PTPRE: variants seen among roughly 807,000 people sequenced by gnomAD.
PTPRE encodes protein tyrosine phosphatase receptor type E, also known as receptor-type tyrosine-protein phosphatase epsilon.
A neutral mutation model predicts 102.0 loss-of-function variants in PTPRE; 51 were observed. The observed-to-expected ratio is 0.50, with a 90% CI of 0.40 to 0.63. PTPRE has a LOEUF of 0.63. Among genes scored for constraint, PTPRE ranks in the 30% least tolerant of loss-of-function variants. The pLI is 0.00. For missense variants in PTPRE, 752 were observed against 915.1 expected (o/e 0.82, Z 2.30); for synonymous variants, 345 against 348.2 (o/e 0.99, Z 0.10).
At chr10:128,061,861 A>G in intron 9 of PTPRE, 146 bp downstream of exon 9, 1 of 1,035,162 alleles carries the variant, frequency 9.7e-7, no homozygotes, top group South Asian at 1.9e-5. Flanking sequence ...ATCCATTCAC[A>G]CAACGGATAT....
At chr10:127,939,767 C>T (rs1442594964) in intron 1 of PTPRE, among the ~76,000 whole-genome samples, 1 of 151,674 alleles carries the variant, frequency 6.6e-6, no homozygotes, top group Non-Finnish European at 1.5e-5. Flanking sequence ...CAGGAGGAGG[C>T]AGGTGTGGGC....
chr10:128,049,888 T>C (rs886983382), intron 6 of PTPRE, among the ~76,000 whole-genome samples: 2 of 152,184 alleles, frequency 1.3e-5, no homozygotes, highest in Non-Finnish European at 2.9e-5. Context: ...TAGAGGTTTG[T>C]GAAGCCTCCT....
At chr10:128,056,394 C>T (rs370319701) in intron 7 of PTPRE, among the ~76,000 whole-genome samples, 181 bp downstream of exon 7, 39 of 152,332 alleles carry the variant, frequency 2.6e-4, no homozygotes, top group African/African-American at 8.4e-4. Context: ...TCTCCCTGCA[C>T]AGGCCCTGGG....
At chr10:127,982,822 A>G (rs1486907310) in intron 2 of PTPRE, among the ~76,000 whole-genome samples, 1 of 152,218 alleles carries the variant, frequency 6.6e-6, no homozygotes, top group Admixed American at 6.5e-5. Flanking sequence ...GGTCCAGGCA[A>G]TGGCAAAATT....
At chr10:128,006,446 A>G (rs1397309305) in intron 2 of PTPRE, among the ~76,000 whole-genome samples, 1 of 152,226 alleles carries the variant, frequency 6.6e-6, no homozygotes, top group African/African-American at 2.4e-5. Context: ...TGCTTAATTT[A>G]GGTCTGTTTC....
At chr10:127,982,489 CGTGT>C (rs59170572) in intron 2 of PTPRE, among the ~76,000 whole-genome samples, 193 bp downstream of exon 2, 8,375 of 142,630 alleles carry the variant, frequency 0.059, 420 homozygotes, top group African/African-American at 0.13. Flanking sequence ...ACATCATTTG[CGTGT>C]GTGTGTGTGT....
chr10:128,004,357 G>A (rs1372745361), intron 2 of PTPRE, among the ~76,000 whole-genome samples: 1 of 151,910 alleles, frequency 6.6e-6, no homozygotes, highest in African/African-American at 2.4e-5. Flanking sequence ...CCTCTACTTA[G>A]ATACAACATA....
chr10:127,919,441 C>T (rs1195420447), intron 1 of PTPRE, among the ~76,000 whole-genome samples: 3 of 152,212 alleles, frequency 2.0e-5, no homozygotes, highest in South Asian at 2.1e-4. Flanking sequence ...CCCAGGGGCA[C>T]GCTGCCTGCT....
At chr10:128,073,316 C>A (rs760370961) in intron 16 of PTPRE, 21 bp from the exon 17 acceptor site, 1 of 1,613,534 alleles carries the variant, frequency 6.2e-7, no homozygotes, top group South Asian at 1.1e-5. Flanking sequence ...CAGACTCTAA[C>A]CTCTGCGCCT....
chr10:127,987,339 A>C, intron 2 of PTPRE: 1 of 1,279,376 alleles, frequency 7.8e-7, no homozygotes, highest in Non-Finnish European at 1.0e-6. Flanking sequence ...CTGTCAGGGA[A>C]ACATGGATTC....
At chr10:128,015,594 C>T (rs1001193656) in intron 2 of PTPRE, among the ~76,000 whole-genome samples, 1 of 152,106 alleles carries the variant, frequency 6.6e-6, no homozygotes, top group Non-Finnish European at 1.5e-5. Context: ...TCTTGATCTC[C>T]TGACTTCGTG....
intron 1 of PTPRE, among the ~76,000 whole-genome samples, chr10:127,922,538 C>T (rs1330194636): frequency 6.6e-6 from 1 of 152,220 alleles, no homozygotes; most frequent in Non-Finnish European, 1.5e-5. Flanking sequence ...TGGGCCGGGG[C>T]CATGTGTATT....
rs558656249 is a variant in PTPRE, at chr10:127,916,474, A to T, written c.-31+9165A>T. 2.0e-5 allele frequency among the ~76,000 whole-genome samples: 3 copies of T among 152,132 alleles called. No individual in the cohort carries two copies. The East Asian group carries it at 5.8e-4, about 29-fold the overall frequency. On this transcript the variant is annotated intron_variant, in intron 1 of 20. Coordinates refer to ENST00000254667, the MANE Select transcript of PTPRE (RefSeq NM_006504.6). ...CCATGCTGAACTGTGAGTCAATTAAACCTCTTTCCTTTATAAATTACCCAG... is the reference window on the plus strand; with the variant it reads ...CCATGCTGAACTGTGAGTCAATTAATCCTCTTTCCTTTATAAATTACCCAG...
At chr10:128,060,891 G>A in intron 7 of PTPRE, 48 bp from the exon 8 acceptor site, 1 of 1,564,284 alleles carries the variant, frequency 6.4e-7, no homozygotes, top group South Asian at 1.1e-5. Context: ...AGACAGCACT[G>A]TGATTCCTGG....
At chr10:128,076,828 G>A (rs1187201826) in intron 18 of PTPRE, 100 bp downstream of exon 18, 1 of 1,512,414 alleles carries the variant, frequency 6.6e-7, no homozygotes. Context: ...CCCTGCACCT[G>A]TCCTGCTCCT....
At chr10:128,037,831 G>A (rs528260711) in intron 2 of PTPRE, among the ~76,000 whole-genome samples, 101 of 152,022 alleles carry the variant, frequency 6.6e-4, no homozygotes, top group Non-Finnish European at 1.3e-3. Flanking sequence ...TCGCTCTATT[G>A]CCCAGGCTGG....
intron 2 of PTPRE, among the ~76,000 whole-genome samples, chr10:127,983,860 G>C (rs545908313): frequency 1.3e-5 from 2 of 152,120 alleles, no homozygotes; most frequent in African/African-American, 4.8e-5. Context: ...GTGATCCTGT[G>C]ACAGGTGCTT....
At chr10:128,045,971 G>T (rs1318231616) in intron 3 of PTPRE, among the ~76,000 whole-genome samples, 1 of 152,242 alleles carries the variant, frequency 6.6e-6, no homozygotes, top group Admixed American at 6.5e-5. Flanking sequence ...TGGGCACTTA[G>T]TGGGTGGGCC....
intron 1 of PTPRE, among the ~76,000 whole-genome samples, chr10:127,981,633 C>T (rs1000403250): frequency 4.6e-5 from 7 of 152,070 alleles, no homozygotes; most frequent in African/African-American, 1.4e-4. Context: ...GCCTGGCCAA[C>T]ATGGTGAAAC....
Sources: gnomAD v4.1 joint callset for allele counts (sites outside exome capture counted in the v4.1 genomes callset) on GRCh38, gnomAD v4.1.1 for gene constraint, MANE v1.5 for transcripts, NCBI Gene and HGNC (gene_info 2026-07-23, HGNC 2026-07-21) for gene names.